COX6C: variants seen among roughly 807,000 people sequenced by gnomAD.
The protein encoded by COX6C is cytochrome c oxidase polypeptide VIc.
A neutral mutation model predicts 6.9 loss-of-function variants in COX6C; 3 were observed. The ratio of observed to expected loss-of-function variants is 0.43; its 90% CI spans 0.20 to 1.12. COX6C has a LOEUF of 1.12. Among genes scored for constraint, COX6C ranks in the 50% most tolerant of loss-of-function variants. COX6C has a pLI of 0.27. For synonymous variants in COX6C, 32 were observed against 32.0 expected (o/e 1.00, Z 0.00); for missense variants, 101 against 97.3 (o/e 1.04, Z -0.16).
intron 3 of COX6C, chr8:99,886,322 TGAGG>T (rs1358948661): frequency 6.6e-6 from 1 of 152,098 alleles, no homozygotes; most frequent in Non-Finnish European, 1.5e-5. Flanking sequence ...CCTGGGAGGT[TGAGG>T]CTGCAGTGAG....
chr8:99,885,412 ATATCT>A (rs1424925122), intron 3 of COX6C, among the ~76,000 whole-genome samples: 1 of 152,238 alleles, frequency 6.6e-6, no homozygotes, highest in Admixed American at 6.5e-5. Context: ...GTCTTGAAAC[ATATCT>A]TAGATAAAAC....
intron 2 of COX6C, among the ~76,000 whole-genome samples, chr8:99,888,896 G>A (rs1382268316): frequency 6.6e-6 from 1 of 152,204 alleles, no homozygotes; most frequent in Non-Finnish European, 1.5e-5. Context: ...GTGGGGAGGA[G>A]CCTAGTCTCT....
intron 2 of COX6C, among the ~76,000 whole-genome samples, chr8:99,888,922 T>G (rs1392540484): frequency 6.6e-6 from 1 of 152,224 alleles, no homozygotes; most frequent in Non-Finnish European, 1.5e-5. Flanking sequence ...TCCTGTGTGG[T>G]AGCCTAGTAT....
chr8:99,891,918 G>C lies in COX6C; in HGVS notation c.104C>G (p.Ala35Gly). 2 of 1,613,896 alleles carry C rather than the reference G, an allele frequency of 1.2e-6. No individual in the cohort carries two copies. The highest frequency in any genetic ancestry group is 1.3e-5 in the African/African-American group (1 of 75,034). ...AAAAAACATACATACCTTATACAAA[G>C]CTGCAACCCCCAGGGATAGCACGAA... is the stretch of plus-strand genomic sequence containing the variant. ...VAFVLSLGVA[A>G]LYKFRVADQR... is the part of the protein sequence containing the mutation. Residue 35 changes from alanine to glycine, a missense_variant, in exon 2 of 4, where the codon GCT becomes GGT. Coordinates refer to ENST00000520468, the MANE Select transcript of COX6C (RefSeq NM_004374.4).
At chr8:99,885,459 C>A (rs111843118) in intron 3 of COX6C, among the ~76,000 whole-genome samples, 4,126 of 152,130 alleles carry the variant, frequency 0.027, 83 homozygotes, top group Non-Finnish European at 0.041. Context: ...TGTAGTACTG[C>A]CCCGAAGACA....
intron 2 of COX6C, 147 bp from the exon 3 acceptor site, chr8:99,887,765 C>G: frequency 2.0e-6 from 1 of 502,710 alleles, no homozygotes; most frequent in East Asian, 3.3e-5. Context: ...GAGGTGGTGA[C>G]AGATAAAAAG....
rs1301669776 is a variant in COX6C, at chr8:99,878,112, T to C, written c.*169A>G. The C allele has an allele frequency of 6.6e-6, 1 of 152,236 alleles. No individual in the cohort carries two copies. Among genetic ancestry groups the C allele is most frequent in the Non-Finnish European group, 1.5e-5 (1 of 68,036 alleles). The allele number at this position is 152,236 out of a possible 1,614,324, so 9.4% of individuals were successfully genotyped here. On this transcript the variant is annotated 3_prime_UTR_variant, in exon 4 of 4. Coordinates refer to ENST00000520468, the MANE Select transcript of COX6C (RefSeq NM_004374.4). ...TTCTTATGCTAGTAAGTGCCCTGCATTATCATTAAGAACTGAGAAAGACTT... is the reference window on the plus strand; with the variant it reads ...TTCTTATGCTAGTAAGTGCCCTGCACTATCATTAAGAACTGAGAAAGACTT...
At chr8:99,887,156 T>C (rs922591475) in intron 3 of COX6C, 1 of 159,826 alleles carries the variant, frequency 6.3e-6, no homozygotes, top group African/African-American at 2.4e-5. Flanking sequence ...CTGAAGAAAA[T>C]CATCTAACAC....
intron 2 of COX6C, among the ~76,000 whole-genome samples, chr8:99,890,339 A>AC (rs1427276886): frequency 6.6e-6 from 1 of 152,148 alleles, no homozygotes; most frequent in Non-Finnish European, 1.5e-5. Flanking sequence ...GTGAACCACA[A>AC]CATCCCCCAA....
chr8:99,882,934 G>A (rs1817887288), intron 3 of COX6C, among the ~76,000 whole-genome samples: 2 of 152,120 alleles, frequency 1.3e-5, no homozygotes, highest in South Asian at 4.1e-4. Context: ...GCAGGCGTGT[G>A]CCATCACACC....
intron 3 of COX6C, among the ~76,000 whole-genome samples, chr8:99,880,589 G>A (rs1817846782): frequency 6.6e-6 from 1 of 152,138 alleles, no homozygotes; most frequent in Non-Finnish European, 1.5e-5. Flanking sequence ...CAAGTCTGAA[G>A]AGCAGGCCGG....
chr8:99,893,175 T>C (rs2131013845), intron 1 of COX6C: 1 of 152,376 alleles, frequency 6.6e-6, no homozygotes, highest in South Asian at 2.1e-4. Context: ...CCAGCTCTAA[T>C]TTAAAACGCT....
rs1255381439 is a variant in COX6C, at chr8:99,878,237, AC to A, written c.*43del. ...GTTCAGGAACACAAGTCAGTGACAA[AC>A]TTCTAGGTAATTCAACCTGAAGAAA... On this transcript the variant is annotated 3_prime_UTR_variant, in exon 4 of 4. Transcript: ENST00000520468. The A allele has an allele frequency of 1.3e-5, 2 of 152,220 alleles. No homozygotes were observed. The highest frequency in any genetic ancestry group is 4.8e-5 in the African/African-American group (2 of 41,454). 9.4% of individuals were successfully genotyped at this position (152,220 alleles called of 1,614,324 possible).
chr8:99,882,372 G>C (rs1364173494), intron 3 of COX6C, among the ~76,000 whole-genome samples: 3 of 152,130 alleles, frequency 2.0e-5, no homozygotes, highest in African/African-American at 4.8e-5. Context: ...ATCATACAAA[G>C]TATCTTTTCT....
intron 2 of COX6C, among the ~76,000 whole-genome samples, chr8:99,889,335 C>T (rs1415602123): frequency 1.3e-5 from 2 of 151,772 alleles, no homozygotes; most frequent in Non-Finnish European, 2.9e-5. Flanking sequence ...TATCGCCCAG[C>T]CTGGAGTGCA....
chr8:99,881,851 G>C (rs1254329960), intron 3 of COX6C, among the ~76,000 whole-genome samples: 1 of 152,154 alleles, frequency 6.6e-6, no homozygotes, highest in Non-Finnish European at 1.5e-5. Context: ...GTCTACAAGA[G>C]ACTCACTGTA....
chr8:99,881,308 C>T (rs1208268324), intron 3 of COX6C, among the ~76,000 whole-genome samples: 1 of 151,148 alleles, frequency 6.6e-6, no homozygotes, highest in Admixed American at 6.6e-5. Context: ...TGCAGTGAGC[C>T]GAGATTGCAT....
intron 3 of COX6C, among the ~76,000 whole-genome samples, chr8:99,883,881 G>A (rs1333921258): frequency 2.0e-5 from 3 of 152,076 alleles, no homozygotes; most frequent in Admixed American, 6.6e-5. Context: ...CAATAGATGT[G>A]ACATACCACA....
At chr8:99,879,261 G>T (rs1203260264) in intron 3 of COX6C, among the ~76,000 whole-genome samples, 1 of 152,140 alleles carries the variant, frequency 6.6e-6, no homozygotes, top group Admixed American at 6.5e-5. Context: ...CACTGTCCAT[G>T]AGGCATAAGG....
Sources: gnomAD v4.1 joint callset for allele counts (sites outside exome capture counted in the v4.1 genomes callset) on GRCh38, gnomAD v4.1.1 for gene constraint, MANE v1.5 for transcripts, NCBI Gene and HGNC (gene_info 2026-07-23, HGNC 2026-07-21) for gene names.